The following TRIP12 variants were observed in gnomAD, a reference collection of about 807,000 sequenced individuals.
TRIP12 encodes the protein E3 ubiquitin-protein ligase TRIP12.
In TRIP12, 25 loss-of-function variants were observed where a neutral mutation model predicts 244.2. The ratio of observed to expected loss-of-function variants is 0.10; its 90% CI spans 0.07 to 0.14. The LOEUF (loss-of-function observed/expected upper bound fraction) is 0.14. Among genes scored for constraint, TRIP12 ranks in the 10% least tolerant of loss-of-function variants. The pLI is 1.00. For synonymous variants in TRIP12, 905 were observed against 873.1 expected (o/e 1.04, Z -0.64); for missense variants, 1,677 against 2,486.4 (o/e 0.67, Z 6.92).
At chr2:229,920,374 C>A (rs911511341) in intron 1 of TRIP12, among the ~76,000 whole-genome samples, 2 of 152,126 alleles carry the variant, frequency 1.3e-5, no homozygotes, top group Admixed American at 6.5e-5. Context: ...GCAGCCCAGG[C>A]AAGATCGAGG....
At chr2:229,825,407 G>C (rs1468921278) in intron 8 of TRIP12, among the ~76,000 whole-genome samples, 4 of 152,186 alleles carry the variant, frequency 2.6e-5, no homozygotes, top group Admixed American at 2.6e-4. Context: ...ACAATTTCAG[G>C]TATGGGGAGT....
At chr2:229,875,749 A>G (rs1243619917) in intron 2 of TRIP12, among the ~76,000 whole-genome samples, 1 of 152,236 alleles carries the variant, frequency 6.6e-6, no homozygotes, top group African/African-American at 2.4e-5. Context: ...TAGTTGAATC[A>G]CTGTATCACT....
rs1300122019 is a variant in TRIP12, at chr2:229,778,350, T to C, written c.5364+83A>G. Reference sequence around the variant, plus strand: ...GTTTGAGAAGCATTGCTCTAAACTATAGCAGTAAACTACAGGGGACTGAGG... The same window carrying C: ...GTTTGAGAAGCATTGCTCTAAACTACAGCAGTAAACTACAGGGGACTGAGG... On this transcript the variant is annotated intron_variant, in intron 36 of 41. Coordinates refer to ENST00000675903, the MANE Select transcript of TRIP12 (RefSeq NM_001348323.3). This position sits in a 1 kb window ranked among gnomAD's most constrained non-coding sequence, Gnocchi z 4.1. 9 of 1,509,050 alleles carry C rather than the reference T, an allele frequency of 6.0e-6. No individual in the cohort carries two copies. The highest frequency in any genetic ancestry group is 2.4e-5 in the South Asian group (2 of 83,018). The allele number at this position is 1,509,050 out of a possible 1,614,324, so 93.5% of individuals were successfully genotyped here.
At chr2:229,814,400 C>T in intron 11 of TRIP12, 75 bp from the exon 12 acceptor site, 1 of 1,430,110 alleles carries the variant, frequency 7.0e-7, no homozygotes, top group Non-Finnish European at 9.8e-7. Context: ...TACATATTTT[C>T]TCTAATTTAC....
chr2:229,810,731 A>G, intron 15 of TRIP12, 149 bp downstream of exon 15: 1 of 760,706 alleles, frequency 1.3e-6, no homozygotes, highest in Non-Finnish European at 2.1e-6. Context: ...CTGTCCCAAC[A>G]CAAATTTATT....
chr2:229,823,163 T>C (rs1034365935), intron 8 of TRIP12, among the ~76,000 whole-genome samples: 6 of 152,066 alleles, frequency 3.9e-5, no homozygotes, highest in Non-Finnish European at 7.4e-5. Context: ...AGAGAAACAA[T>C]ACTAGAAGAA....
intron 31 of TRIP12, 149 bp downstream of exon 31, chr2:229,789,462 T>A: frequency 1.3e-6 from 1 of 764,394 alleles, no homozygotes; most frequent in South Asian, 3.9e-5. Flanking sequence ...GAAAAAAAAG[T>A]GGGGGAGAAG....
chr2:229,846,981 T>G (rs1334380019), intron 4 of TRIP12, among the ~76,000 whole-genome samples: 1 of 152,210 alleles, frequency 6.6e-6, no homozygotes, highest in Non-Finnish European at 1.5e-5. Context: ...GTAATTAAAG[T>G]TGCAAGAAAA....
intron 1 of TRIP12, among the ~76,000 whole-genome samples, chr2:229,893,972 C>T (rs1464849933): frequency 2.0e-5 from 3 of 152,128 alleles, no homozygotes; most frequent in Admixed American, 6.6e-5. Flanking sequence ...CTCAGCCTCT[C>T]AAAGTATTGG....
At chr2:229,781,566 C>G (rs982504122) in intron 34 of TRIP12, among the ~76,000 whole-genome samples, 1 of 152,194 alleles carries the variant, frequency 6.6e-6, no homozygotes, top group Non-Finnish European at 1.5e-5. Context: ...CTTCCACATT[C>G]CCAAAAGGAT....
At chr2:229,826,314 C>G (rs1253898898) in intron 8 of TRIP12, among the ~76,000 whole-genome samples, 3 of 152,104 alleles carry the variant, frequency 2.0e-5, no homozygotes, top group African/African-American at 4.8e-5. Flanking sequence ...TTTCAATAGG[C>G]TTTCTTTACC....
In TRIP12 at chr2:229,797,787, A is replaced by G; in HGVS notation, c.3527T>C (p.Val1176Ala). The G allele has an allele frequency of 1.2e-6, 2 of 1,614,038 alleles. No homozygotes were observed. The highest frequency in any genetic ancestry group is 1.7e-6 in the Non-Finnish European group (2 of 1,179,940). Residue 1176 changes from valine to alanine, a missense_variant, in exon 24 of 42, where the codon GTA (valine) becomes GCA (alanine). This residue lies in a region of TRIP12 where 572 missense variants were observed against 867.8 expected (regional missense o/e 0.66). Coordinates refer to ENST00000675903, the MANE Select transcript of TRIP12 (RefSeq NM_001348323.3). ...ATTCTCAGAACTGAAATAACGTTCT[A>G]CAAATTTATGTGCCTGCTCCTTAAT... The part of the protein sequence containing the change: ...GWIKEQAHKF[V>A]ERYFSSENMD...
intron 1 of TRIP12, among the ~76,000 whole-genome samples, chr2:229,888,530 C>T (rs1414530484): frequency 6.6e-6 from 1 of 152,124 alleles, no homozygotes; most frequent in African/African-American, 2.4e-5. Flanking sequence ...GTGGTGTTGG[C>T]AGACACCAAG....
rs1355159791 is a variant in TRIP12 at position 229,803,983 on chromosome 2, A to G, written c.2879+16T>C. On this transcript the variant is annotated intron_variant, in intron 19 of 41. Coordinates refer to ENST00000675903, the MANE Select transcript of TRIP12 (RefSeq NM_001348323.3). The stretch of plus-strand genomic sequence containing the variant: ...TTTGTATTTGTAAAATGTTTCTACT[A>G]TTTTCATTAACACACCTTGAAACAG... 1.0e-5 allele frequency: 16 copies of G among 1,588,412 alleles called. No homozygotes were observed. The highest frequency in any genetic ancestry group is 1.3e-5 in the Non-Finnish European group (15 of 1,166,590).
chr2:229,813,131 A>C (rs1460963802), intron 13 of TRIP12, among the ~76,000 whole-genome samples: 1 of 152,104 alleles, frequency 6.6e-6, no homozygotes, highest in Admixed American at 6.6e-5. Context: ...AGATAGCCAC[A>C]AACTACATTT....
chr2:229,776,400 C>A (rs2036265862), intron 37 of TRIP12, among the ~76,000 whole-genome samples: 1 of 152,092 alleles, frequency 6.6e-6, no homozygotes, highest in Non-Finnish European at 1.5e-5. Flanking sequence ...AAATTCTGTA[C>A]AGAAAAGGTG....
At position 229,879,115 on chromosome 2, in the gene TRIP12, G is replaced by A. The variant is rs530431634; in HGVS notation, c.98+867C>T. Among the ~76,000 whole-genome samples, 48 of 152,048 alleles carry A rather than the reference G, an allele frequency of 3.2e-4. 1 individual carries two copies. Among genetic ancestry groups the A allele is most frequent in the East Asian group, 5.9e-4 (3 of 5,124 alleles). On this transcript the variant is annotated intron_variant, in intron 2 of 41. Coordinates refer to ENST00000675903, the MANE Select transcript of TRIP12 (RefSeq NM_001348323.3). ...GTCTCAAAAAACATTAGCTGGGTGC[G>A]GTGGTGCACACCTGTAATCCCAGCT...
At position 229,778,368 on chromosome 2, in the gene TRIP12, G is replaced by A. The variant is rs2036996643; in HGVS notation, c.5364+65C>T. ...TAAACTATAGCAGTAAACTACAGGG[G>A]ACTGAGGTACTTGCACAGAACATTC... On this transcript the variant is annotated intron_variant, in intron 36 of 41. Coordinates refer to ENST00000675903, the MANE Select transcript of TRIP12 (RefSeq NM_001348323.3). The surrounding 1 kb of genome is among the most constrained non-coding windows in gnomAD (Gnocchi z 4.1). The A allele has an allele frequency of 1.3e-6, 2 of 1,580,940 alleles. No homozygotes were observed. Among genetic ancestry groups the A allele is most frequent in the South Asian group, 2.3e-5 (2 of 88,704 alleles).
chr2:229,799,046 T>C lies in TRIP12; in HGVS notation c.3311A>G (p.Lys1104Arg). 6.2e-7 allele frequency: 1 copy of C among 1,612,724 alleles called. No individual in the cohort carries two copies. The stretch of plus-strand genomic sequence containing the variant: ...AGGTGACTGAGTAGTGGTGGGGCTT[T>C]TAGCTATGAAAAGAAAAAAGAACTA... Reference protein sequence around the residue: ...RDDDKVDNQAKSPTTTQSPKS... With the variant: ...RDDDKVDNQARSPTTTQSPKS... Residue 1104 changes from lysine to arginine, a missense_variant, in exon 23 of 42, where the codon AAA becomes AGA. Around this residue, in one of 11 missense-constraint regions of TRIP12, gnomAD observed 572 missense variants for 867.8 expected, o/e 0.66. Coordinates refer to ENST00000675903, the MANE Select transcript of TRIP12 (RefSeq NM_001348323.3).
Sources: allele counts gnomAD v4.1 joint callset (sites outside exome capture counted in the v4.1 genomes callset), GRCh38; gene constraint gnomAD v4.1.1; regional missense constraint gnomAD v4.1.1; non-coding constraint Gnocchi (gnomAD v3.1); transcripts MANE v1.5; gene names NCBI Gene and HGNC (gene_info 2026-07-23, HGNC 2026-07-21).